SORCS3: variants seen among roughly 807,000 people sequenced by gnomAD.
SORCS3 encodes sortilin related VPS10 domain containing receptor 3, also known as VPS10 domain-containing receptor SorCS3.
In SORCS3, 57 loss-of-function variants were observed where a neutral mutation model predicts 146.3. The ratio of observed to expected loss-of-function variants is 0.39; its 90% confidence interval spans 0.31 to 0.49. The LOEUF (loss-of-function observed/expected upper bound fraction) is 0.49, where lower values mean the gene tolerates loss of function less well. Ranked by LOEUF, SORCS3 falls within the 20% of genes least tolerant of loss-of-function variation. The probability of loss-of-function intolerance (pLI) is 0.92; values close to 1 mark genes in which losing one functional copy is unlikely to be tolerated. For missense variants in SORCS3, 1,341 were observed against 1,575.5 expected, an observed-to-expected ratio of 0.85 and a Z score of 2.52; for synonymous variants, 653 against 618.5, an observed-to-expected ratio of 1.06 and a Z score of -0.83.
At chr10:104,797,970 T>A (rs2017577003) in intron 1 of SORCS3, among the ~76,000 whole-genome samples, 2 of 152,136 alleles carry the variant, frequency 1.3e-5, no homozygotes, top group Non-Finnish European at 2.9e-5. Flanking sequence ...TCATCATAAG[T>A]CTAACAAGCC....
intron 1 of SORCS3, among the ~76,000 whole-genome samples, chr10:104,728,770 T>C (rs954182712): frequency 3.3e-5 from 5 of 152,144 alleles, no homozygotes; most frequent in Non-Finnish European, 7.4e-5. Flanking sequence ...TTTCTAGCTC[T>C]AGATTTTCTG....
intron 20 of SORCS3, among the ~76,000 whole-genome samples, chr10:105,226,467 A>G: frequency 6.6e-6 from 1 of 151,896 alleles, no homozygotes; most frequent in Non-Finnish European, 1.5e-5. Flanking sequence ...TTAGTATTTC[A>G]TTGAGAATTT....
At chr10:105,222,044 C>CTTT (rs34795700) in intron 19 of SORCS3, among the ~76,000 whole-genome samples, 4,633 of 76,388 alleles carry the variant, frequency 0.061, 440 homozygotes, top group Non-Finnish European at 0.084. Flanking sequence ...TACCTTAACA[C>CTTT]TTTTTTTTTT....
intron 1 of SORCS3, among the ~76,000 whole-genome samples, chr10:104,789,729 A>G (rs1170273142): frequency 6.6e-6 from 1 of 152,236 alleles, no homozygotes; most frequent in Non-Finnish European, 1.5e-5. Context: ...CATTCAGTGA[A>G]AAATTGTTGT....
At chr10:104,725,780 G>A (rs190715488) in intron 1 of SORCS3, among the ~76,000 whole-genome samples, 19 of 152,372 alleles carry the variant, frequency 1.2e-4, no homozygotes, top group East Asian at 5.8e-4. Context: ...TGAGCCATGC[G>A]CGGGATATAA....
chr10:104,794,588 GGTGT>G (rs373822186), intron 1 of SORCS3, among the ~76,000 whole-genome samples: 2 of 133,936 alleles, frequency 1.5e-5, no homozygotes, highest in Admixed American at 1.6e-4. Flanking sequence ...AGGTAGATAG[GGTGT>G]GTGTGTGTGT....
intron 5 of SORCS3, among the ~76,000 whole-genome samples, chr10:105,083,583 C>A (rs1206378194): frequency 6.6e-6 from 1 of 152,036 alleles, no homozygotes; most frequent in African/African-American, 2.4e-5. Flanking sequence ...TCACAGACCT[C>A]AAAAAAGTGA....
intron 2 of SORCS3, among the ~76,000 whole-genome samples, chr10:104,884,216 A>T (rs1192324790): frequency 2.0e-5 from 3 of 152,220 alleles, no homozygotes; most frequent in African/African-American, 7.2e-5. Flanking sequence ...CCTGCAGGTG[A>T]TAATATATCT....
At chr10:104,724,068 C>G (rs1349906535) in intron 1 of SORCS3, among the ~76,000 whole-genome samples, 2 of 152,088 alleles carry the variant, frequency 1.3e-5, no homozygotes. Flanking sequence ...TTCTTCCTAG[C>G]CTCAATGGTC....
At chr10:104,725,694 C>A (rs966740114) in intron 1 of SORCS3, among the ~76,000 whole-genome samples, 10 of 152,240 alleles carry the variant, frequency 6.6e-5, no homozygotes, top group African/African-American at 2.4e-4. Flanking sequence ...CCTCCCCCAG[C>A]CTCACTGCCA....
intron 1 of SORCS3, among the ~76,000 whole-genome samples, chr10:104,791,983 GAT>G (rs1227404610): frequency 1.3e-5 from 2 of 152,174 alleles, no homozygotes; most frequent in Non-Finnish European, 2.9e-5. Flanking sequence ...GGTCATAGCT[GAT>G]ATTTATGTTT....
At chr10:104,759,217 C>A (rs1240516709) in intron 1 of SORCS3, among the ~76,000 whole-genome samples, 1 of 152,142 alleles carries the variant, frequency 6.6e-6, no homozygotes, top group African/African-American at 2.4e-5. Flanking sequence ...AGAAGCTGGC[C>A]AGAGGCTGGA....
chr10:105,154,069 G>GCAAAAA (rs2056188033), intron 9 of SORCS3, among the ~76,000 whole-genome samples: 1 of 76,156 alleles, frequency 1.3e-5, no homozygotes. Context: ...GACTCCATCT[G>GCAAAAA]AAAAAAAAAA....
At chr10:105,068,928 A>C (rs576852818) in intron 5 of SORCS3, among the ~76,000 whole-genome samples, 5 of 152,208 alleles carry the variant, frequency 3.3e-5, no homozygotes, top group Admixed American at 2.6e-4. Context: ...TGTTTTTGCT[A>C]TGCAGGATTT....
intron 4 of SORCS3, among the ~76,000 whole-genome samples, chr10:105,023,324 C>T (rs528555910): frequency 3.3e-5 from 5 of 152,186 alleles, no homozygotes; most frequent in African/African-American, 1.2e-4. Flanking sequence ...TTTTTAATCC[C>T]CCAATTCCTG....
At chr10:104,736,377 A>G (rs535763701) in intron 1 of SORCS3, among the ~76,000 whole-genome samples, 75 of 152,300 alleles carry the variant, frequency 4.9e-4, no homozygotes, top group Admixed American at 2.4e-3. Context: ...TTACTGTTCC[A>G]CTGTCTTCCT....
chr10:105,141,578 T>C (rs902068289), intron 8 of SORCS3, among the ~76,000 whole-genome samples: 1 of 152,216 alleles, frequency 6.6e-6, no homozygotes, highest in Admixed American at 6.5e-5. Flanking sequence ...CCAGCTTACA[T>C]GCTCAGAATA....
chr10:104,885,154 C>G (rs953194023), intron 2 of SORCS3, among the ~76,000 whole-genome samples: 3 of 152,098 alleles, frequency 2.0e-5, no homozygotes, highest in Non-Finnish European at 4.4e-5. Context: ...TGCTGCTCAC[C>G]CACACAGGGA....
At chr10:104,955,143 G>A (rs1687111761) in intron 3 of SORCS3, among the ~76,000 whole-genome samples, 1 of 152,108 alleles carries the variant, frequency 6.6e-6, no homozygotes, top group Admixed American at 6.6e-5. Flanking sequence ...ACCCCCAAAA[G>A]AAGCCCTGTG....
Sources: allele counts gnomAD v4.1 joint callset (sites outside exome capture counted in the v4.1 genomes callset), GRCh38; gene constraint gnomAD v4.1.1; transcripts MANE v1.5; gene names NCBI Gene and HGNC (gene_info 2026-07-23, HGNC 2026-07-21).